Variants in NKAIN3 observed in about 807,000 individuals in gnomAD.
The protein encoded by NKAIN3 is sodium/potassium-transporting ATPase subunit beta-1-interacting protein 3.
Under a neutral mutation model 30.2 loss-of-function variants are expected in NKAIN3, and 25 were observed. That is an observed-to-expected ratio of 0.83 (90% CI 0.60 to 1.16). The LOEUF (loss-of-function observed/expected upper bound fraction) is 1.16, where lower values mean the gene tolerates loss of function less well. Ranked by LOEUF, NKAIN3 falls within the 50% of genes most tolerant of loss-of-function variation. NKAIN3 has a pLI of 0.00. For missense variants in NKAIN3, 225 were observed against 254.1 expected (o/e 0.89, Z 0.78); for synonymous variants, 91 against 89.6 (o/e 1.02, Z -0.09).
At chr8:62,509,437 T>C (rs1807751447) in intron 1 of NKAIN3, among the ~76,000 whole-genome samples, 1 of 152,178 alleles carries the variant, frequency 6.6e-6, no homozygotes, top group Non-Finnish European at 1.5e-5. Context: ...GCTTCCCCTG[T>C]CTGCTCCTTT....
At chr8:62,805,724 T>G (rs552100930) in intron 4 of NKAIN3, among the ~76,000 whole-genome samples, 2 of 152,196 alleles carry the variant, frequency 1.3e-5, no homozygotes, top group African/African-American at 2.4e-5. Context: ...GGCATTACCA[T>G]TCAGGACATA....
intron 3 of NKAIN3, among the ~76,000 whole-genome samples, chr8:62,601,304 C>T (rs1338183747): frequency 3.3e-5 from 5 of 151,648 alleles, no homozygotes; most frequent in African/African-American, 1.2e-4. Flanking sequence ...AAAATGAATC[C>T]TAAAATGTGA....
intron 4 of NKAIN3, among the ~76,000 whole-genome samples, chr8:62,818,675 T>C (rs1818762279): frequency 6.6e-6 from 1 of 152,094 alleles, no homozygotes; most frequent in South Asian, 2.1e-4. Flanking sequence ...GTTCTTCTAA[T>C]CTATTGGAAA....
chr8:62,356,480 C>A (rs976137550), intron 1 of NKAIN3, among the ~76,000 whole-genome samples: 8 of 152,140 alleles, frequency 5.3e-5, no homozygotes, highest in African/African-American at 1.9e-4. Context: ...CACCCATATC[C>A]ACCCAGGCAC....
chr8:62,400,351 T>C (rs1817899170), intron 1 of NKAIN3, among the ~76,000 whole-genome samples: 1 of 151,936 alleles, frequency 6.6e-6, no homozygotes, highest in African/African-American at 2.4e-5. Flanking sequence ...TTTGTATTTT[T>C]AGTAGAGATG....
intron 4 of NKAIN3, among the ~76,000 whole-genome samples, chr8:62,789,206 C>G (rs1817625853): frequency 6.6e-6 from 1 of 152,040 alleles, no homozygotes; most frequent in Non-Finnish European, 1.5e-5. Flanking sequence ...TCTTTTATTT[C>G]CTTGAGCAGT....
intron 4 of NKAIN3, chr8:62,855,863 C>T: frequency 1.3e-6 from 1 of 778,956 alleles, no homozygotes; most frequent in Non-Finnish European, 2.4e-6. Flanking sequence ...ACTCCTCTTC[C>T]TGTGGCACCA....
intron 4 of NKAIN3, among the ~76,000 whole-genome samples, chr8:62,785,676 A>G (rs567308729): frequency 1.3e-5 from 2 of 152,282 alleles, no homozygotes; most frequent in East Asian, 1.9e-4. Context: ...ATTAGCGAAC[A>G]TCCAGAAATA....
intron 5 of NKAIN3, among the ~76,000 whole-genome samples, chr8:62,920,962 C>A (rs1666153556): frequency 1.3e-5 from 2 of 152,070 alleles, no homozygotes; most frequent in Non-Finnish European, 2.9e-5. Flanking sequence ...AACAAAAGTG[C>A]AGATGTAATT....
chr8:62,478,617 C>A (rs1661864195), intron 1 of NKAIN3, among the ~76,000 whole-genome samples: 1 of 152,162 alleles, frequency 6.6e-6, no homozygotes, highest in Admixed American at 6.5e-5. Context: ...TATTAATAAT[C>A]TTTATTATCA....
At chr8:62,520,446 TA>T (rs746460894) in intron 1 of NKAIN3, among the ~76,000 whole-genome samples, 11 of 152,098 alleles carry the variant, frequency 7.2e-5, no homozygotes, top group Non-Finnish European at 8.8e-5. Context: ...AGGTAATCAA[TA>T]AAAAAAGATT....
At chr8:62,550,557 G>T (rs376384345) in intron 1 of NKAIN3, among the ~76,000 whole-genome samples, 1 of 152,172 alleles carries the variant, frequency 6.6e-6, no homozygotes, top group Non-Finnish European at 1.5e-5. Flanking sequence ...ACAATGAGAC[G>T]CAGTTACATT....
chr8:62,664,384 C>T (rs1175074691), intron 3 of NKAIN3, among the ~76,000 whole-genome samples: 1 of 152,134 alleles, frequency 6.6e-6, no homozygotes, highest in Non-Finnish European at 1.5e-5. Flanking sequence ...TTCTCCTGAA[C>T]CCACCCAAAT....
At chr8:62,499,897 A>AT (rs1807370973) in intron 1 of NKAIN3, among the ~76,000 whole-genome samples, 1 of 151,158 alleles carries the variant, frequency 6.6e-6, no homozygotes, top group Admixed American at 6.6e-5. Flanking sequence ...CACAACAACA[A>AT]TTTTTTAGTT....
chr8:62,749,332 A>T (rs977319724), intron 4 of NKAIN3, among the ~76,000 whole-genome samples: 1 of 152,146 alleles, frequency 6.6e-6, no homozygotes, highest in African/African-American at 2.4e-5. Context: ...ATCTAAATAA[A>T]CTGTATGTGT....
At chr8:62,677,062 G>A (rs78926951) in intron 3 of NKAIN3, among the ~76,000 whole-genome samples, 10,593 of 152,004 alleles carry the variant, frequency 0.07, 812 homozygotes, top group African/African-American at 0.19. Flanking sequence ...CTGGGGTCTT[G>A]TATATTTTTT....
chr8:62,539,138 ATCATTCT>A (rs1808760892), intron 1 of NKAIN3, among the ~76,000 whole-genome samples: 1 of 152,222 alleles, frequency 6.6e-6, no homozygotes, highest in Non-Finnish European at 1.5e-5. Flanking sequence ...AAACGTGTTT[ATCATTCT>A]CACATTGGTG....
intron 2 of NKAIN3, among the ~76,000 whole-genome samples, chr8:62,585,816 T>C (rs1056177549): frequency 2.6e-5 from 4 of 152,158 alleles, no homozygotes; most frequent in Non-Finnish European, 4.4e-5. Context: ...AGCAGTGAAA[T>C]CATATTTACC....
chr8:62,668,948 A>G (rs1813214768), intron 3 of NKAIN3, among the ~76,000 whole-genome samples: 2 of 152,176 alleles, frequency 1.3e-5, no homozygotes, highest in Non-Finnish European at 2.9e-5. Context: ...TTGGATCTCA[A>G]TAAATGCAAC....
Sources: gnomAD v4.1 joint callset for allele counts (sites outside exome capture counted in the v4.1 genomes callset) on GRCh38, gnomAD v4.1.1 for gene constraint, MANE v1.5 for transcripts, NCBI Gene and HGNC (gene_info 2026-07-23, HGNC 2026-07-21) for gene names.